The following CYP2C19 variants were observed in gnomAD, a reference collection of about 807,000 sequenced individuals.
The protein encoded by CYP2C19 is cytochrome P450 family 2 subfamily C member 19.
A neutral mutation model predicts 40.9 loss-of-function variants in CYP2C19; 59 were observed. That is an observed-to-expected ratio of 1.44 (90% CI 1.17 to 1.79). CYP2C19 has a LOEUF of 1.79. CYP2C19 is among the 40% of genes most tolerant of loss of function. CYP2C19 has a pLI of 0.00. For synonymous variants in CYP2C19, 253 were observed against 208.7 expected, an observed-to-expected ratio of 1.21 and a Z score of -1.83; for missense variants, 754 against 596.9, an observed-to-expected ratio of 1.26 and a Z score of -2.74.
At chr10:94,766,399 C>T (rs1024583817) in intron 1 of CYP2C19, among the ~76,000 whole-genome samples, 3 of 151,586 alleles carry the variant, frequency 2.0e-5, no homozygotes, top group Non-Finnish European at 2.9e-5. Flanking sequence ...TTATCCAGGC[C>T]GAGTAAAAGG....
chr10:94,773,588 G>T (rs1848364604), intron 1 of CYP2C19, among the ~76,000 whole-genome samples: 1 of 152,110 alleles, frequency 6.6e-6, no homozygotes, highest in African/African-American at 2.4e-5. Context: ...CCTCCTGGTG[G>T]GTTTGTGGTC....
chr10:94,842,537 G>A (rs1035368303), intron 6 of CYP2C19, among the ~76,000 whole-genome samples: 3 of 149,646 alleles, frequency 2.0e-5, no homozygotes, highest in African/African-American at 7.4e-5. Context: ...TTTGTTATTT[G>A]TTTACTGGTT....
chr10:94,786,182 A>C (rs1426757878), intron 5 of CYP2C19, among the ~76,000 whole-genome samples: 1 of 151,992 alleles, frequency 6.6e-6, no homozygotes, highest in Non-Finnish European at 1.5e-5. Flanking sequence ...ACGATGACAA[A>C]CCTGAGGGTA....
At chr10:94,833,659 G>A (rs1480730638) in intron 6 of CYP2C19, among the ~76,000 whole-genome samples, 2 of 152,172 alleles carry the variant, frequency 1.3e-5, no homozygotes, top group Admixed American at 1.3e-4. Context: ...GAACATGGAT[G>A]AAATTGGAAA....
intron 1 of CYP2C19, among the ~76,000 whole-genome samples, chr10:94,763,386 C>T (rs766611596): frequency 1.4e-4 from 21 of 152,204 alleles, no homozygotes; most frequent in Non-Finnish European, 2.9e-4. Flanking sequence ...TTATTAGATC[C>T]ACAAACTAAT....
chr10:94,800,437 G>T (rs1181081956), intron 5 of CYP2C19, among the ~76,000 whole-genome samples: 1 of 152,142 alleles, frequency 6.6e-6, no homozygotes, highest in African/African-American at 2.4e-5. Flanking sequence ...GTGTCTGTTG[G>T]CCCCTACTGG....
intron 7 of CYP2C19, among the ~76,000 whole-genome samples, chr10:94,844,685 T>TG (rs2063235911): frequency 6.6e-6 from 1 of 152,210 alleles, no homozygotes; most frequent in South Asian, 2.1e-4. Context: ...CAAGAGATTA[T>TG]GGGGCTTACC....
In CYP2C19 at chr10:94,796,708, A is replaced by C. The variant is rs552897921; in HGVS notation, c.819+14711A>C. ...TGTAGTTCTCCTTGAAGAGGTCCTT[A>C]ACATCACTCCTAAGTTGGATTCTTA... On this transcript the variant is annotated intron_variant, in intron 5 of 8. Transcript: ENST00000371321. 3.3e-5 allele frequency among the ~76,000 whole-genome samples: 5 copies of C among 152,168 alleles called. No homozygotes were observed. In the South Asian group the frequency reaches 1.0e-3, roughly 31 times the overall value.
At chr10:94,848,985 G>T (rs1189910169) in intron 7 of CYP2C19, among the ~76,000 whole-genome samples, 2 of 152,154 alleles carry the variant, frequency 1.3e-5, no homozygotes, top group Non-Finnish European at 1.5e-5. Context: ...GGGCTGAGAC[G>T]ATGGGGTTGT....
intron 6 of CYP2C19, among the ~76,000 whole-genome samples, chr10:94,826,285 C>G (rs1849220127): frequency 6.6e-6 from 1 of 152,092 alleles, no homozygotes; most frequent in Non-Finnish European, 1.5e-5. Context: ...TCTTCCGACC[C>G]ATGAGCATGG....
intron 1 of CYP2C19, among the ~76,000 whole-genome samples, chr10:94,771,854 G>A (rs1249801226): frequency 6.6e-6 from 1 of 152,116 alleles, no homozygotes; most frequent in Non-Finnish European, 1.5e-5. Context: ...CACAGCAGCA[G>A]AAACACTAGT....
At chr10:94,852,614 C>A (rs12268020) in intron 8 of CYP2C19, 119 bp from the exon 9 acceptor site, 2 of 1,078,120 alleles carry the variant, frequency 1.9e-6, no homozygotes, top group Non-Finnish European at 1.4e-6. Flanking sequence ...CTACTCATCC[C>A]TCCTATGATT....
chr10:94,842,736 G>T, intron 6 of CYP2C19, 101 bp from the exon 7 acceptor site: 1 of 1,270,498 alleles, frequency 7.9e-7, no homozygotes, highest in Non-Finnish European at 1.1e-6. Context: ...AATTTATTAT[G>T]ATGTTTGGAT....
At chr10:94,791,849 T>G (rs1013968186) in intron 5 of CYP2C19, among the ~76,000 whole-genome samples, 1 of 152,158 alleles carries the variant, frequency 6.6e-6, no homozygotes, top group Non-Finnish European at 1.5e-5. Flanking sequence ...TCTGTTGATT[T>G]GGGGTGGAGA....
intron 5 of CYP2C19, among the ~76,000 whole-genome samples, chr10:94,800,683 G>A (rs111811818): frequency 0.023 from 3,458 of 152,298 alleles, 120 homozygotes; most frequent in African/African-American, 0.076. Flanking sequence ...CCCAGTTCAA[G>A]CTTCCCAGCC....
chr10:94,831,805 C>T (rs778411231), intron 6 of CYP2C19, among the ~76,000 whole-genome samples: 38 of 152,112 alleles, frequency 2.5e-4, no homozygotes, highest in Non-Finnish European at 3.5e-4. Context: ...GGTTATTAAT[C>T]TCTTGTCAGA....
intron 6 of CYP2C19, among the ~76,000 whole-genome samples, chr10:94,830,559 A>G (rs1849317618): frequency 6.6e-6 from 1 of 151,896 alleles, no homozygotes; most frequent in Non-Finnish European, 1.5e-5. Flanking sequence ...ACTGTCTGGC[A>G]CTCCCTAGTG....
intron 6 of CYP2C19, among the ~76,000 whole-genome samples, chr10:94,824,880 C>T (rs1318828080): frequency 1.4e-5 from 2 of 146,538 alleles, no homozygotes; most frequent in Non-Finnish European, 3.0e-5. Context: ...TTGTTCAATT[C>T]CCACCTATGA....
intron 1 of CYP2C19, among the ~76,000 whole-genome samples, chr10:94,771,165 G>A (rs1276693465): frequency 6.6e-6 from 1 of 152,066 alleles, no homozygotes; most frequent in Non-Finnish European, 1.5e-5. Flanking sequence ...CATGTACCCA[G>A]GTTGGGCCAA....
Sources: allele counts gnomAD v4.1 joint callset (sites outside exome capture counted in the v4.1 genomes callset), GRCh38; gene constraint gnomAD v4.1.1; transcripts MANE v1.5; gene names NCBI Gene and HGNC (gene_info 2026-07-23, HGNC 2026-07-21).